The following ZMIZ2 variants were observed in gnomAD, a reference collection of about 807,000 sequenced individuals.
The protein encoded by ZMIZ2 is zinc finger MIZ-type containing 2.
In ZMIZ2, 26 loss-of-function variants were observed where a neutral mutation model predicts 93.9. The ratio of observed to expected loss-of-function variants is 0.28; its 90% CI spans 0.20 to 0.38. The LOEUF is 0.38. ZMIZ2 is among the 10% of genes least tolerant of loss of function. ZMIZ2 has a pLI of 1.00. For synonymous variants in ZMIZ2, 485 were observed against 516.4 expected, an observed-to-expected ratio of 0.94 and a Z score of 0.82; for missense variants, 1,023 against 1,235.0, an observed-to-expected ratio of 0.83 and a Z score of 2.57.
intron 18 of ZMIZ2, among the ~76,000 whole-genome samples, chr7:44,767,243 C>T (rs1791806305): frequency 6.6e-6 from 1 of 152,154 alleles, no homozygotes; most frequent in African/African-American, 2.4e-5. Flanking sequence ...GGCTGCACTC[C>T]CTCACATCCC....
chr7:44,766,472 C>G lies in ZMIZ2; in HGVS notation c.2464C>G (p.Leu822Val), dbSNP rs377635826. 1.2e-6 allele frequency: 2 copies of G among 1,614,090 alleles called. No homozygotes were observed. The highest frequency in any genetic ancestry group is 1.7e-6 in the Non-Finnish European group (2 of 1,180,042). Residue 822 changes from leucine to valine, a missense_variant, in exon 18 of 19, where the codon CTA (leucine) becomes GTA (valine). This residue lies in a region of ZMIZ2 where 319 missense variants were observed against 358.8 expected (regional missense o/e 0.89). Transcript: ENST00000309315. The surrounding 1 kb of genome is among the most constrained non-coding windows in gnomAD (Gnocchi z 4.4). Reference protein sequence around the residue: ...DPTHNPGTPGLHTSNLGAPPG... With the variant: ...DPTHNPGTPGVHTSNLGAPPG... Reference sequence around the variant, plus strand: ...CACTCACAATCCTGGGACACCAGGACTACACACCTCCAACCTTGGGGCCCC... The same window carrying G: ...CACTCACAATCCTGGGACACCAGGAGTACACACCTCCAACCTTGGGGCCCC...
In ZMIZ2 at chr7:44,767,698, C is replaced by T; in HGVS notation, c.*75C>T. On this transcript the variant is annotated 3_prime_UTR_variant, in exon 19 of 19. Coordinates refer to ENST00000309315, the MANE Select transcript of ZMIZ2 (RefSeq NM_031449.4). ...CAGCCCTGCCCTTCATGCCCAGCCC[C>T]ATGGGACACCCGGTGGTCTTTCCCA... is the stretch of plus-strand genomic sequence containing the variant. 8.9e-6 allele frequency: 12 copies of T among 1,342,926 alleles called. No individual in the cohort carries two copies. Among genetic ancestry groups the T allele is most frequent in the Non-Finnish European group, 1.3e-5 (12 of 941,454 alleles). The allele number at this position is 1,342,926 out of a possible 1,614,324, so 83.2% of individuals were successfully genotyped here.
At chr7:44,756,833 C>T in intron 3 of ZMIZ2, 114 bp from the exon 4 acceptor site, 1 of 1,325,400 alleles carries the variant, frequency 7.5e-7, no homozygotes, top group Non-Finnish European at 1.1e-6. Flanking sequence ...ACCCTGTCCC[C>T]CCCACCTCTC....
intron 14 of ZMIZ2, 151 bp downstream of exon 14, chr7:44,764,637 C>G (rs979905968): frequency 1.1e-6 from 1 of 886,050 alleles, no homozygotes; most frequent in African/African-American, 1.7e-5. Context: ...GCAGAGAGCT[C>G]GTATAGGGTG....
chr7:44,765,463 C>A lies in ZMIZ2; in HGVS notation c.2126C>A (p.Ala709Asp). Reference protein sequence around the residue: ...ALKRCRTVSPAHVLMPSVMEM... With the variant: ...ALKRCRTVSPDHVLMPSVMEM... ...AAGCGCTGCCGCACCGTGAGCCCCG[C>A]CCACGTGCTCATGCCCAGCGTGATG... Residue 709 changes from alanine (A) to aspartate (D), a missense_variant, in exon 16 of 19, where the codon GCC (alanine) becomes GAC (aspartate). Ala to Asp is a moderately radical substitution (Grantham distance 126). Coordinates refer to ENST00000309315, the MANE Select transcript of ZMIZ2 (RefSeq NM_031449.4). The surrounding 1 kb of genome is among the most constrained non-coding windows in gnomAD (Gnocchi z 4.1). 2 of 1,605,042 alleles carry A rather than the reference C, an allele frequency of 1.2e-6. No homozygotes were observed. Among genetic ancestry groups the A allele is most frequent in the Non-Finnish European group, 1.7e-6 (2 of 1,179,890 alleles).
chr7:44,759,203 CAT>C lies in ZMIZ2; in HGVS notation c.814-77_814-76del, dbSNP rs533896972. On this transcript the variant is annotated intron_variant, in intron 6 of 18. Transcript: ENST00000309315. ...TCTCCATTCCCCGAACCCTGCCACACATGAGACTCTACTTCCTTCTGGAACCA... is the reference window on the plus strand; with the variant it reads ...TCTCCATTCCCCGAACCCTGCCACACGAGACTCTACTTCCTTCTGGAACCA... 136 of 1,339,188 alleles carry C rather than the reference CAT, an allele frequency of 1.0e-4. 1 individual carries two copies. The East Asian group carries it at 3.5e-3, about 35-fold the overall frequency. 83.0% of individuals were successfully genotyped at this position (1,339,188 alleles called of 1,614,324 possible).
In ZMIZ2 at chr7:44,760,482, C is replaced by T; in HGVS notation, c.1129C>T (p.Pro377Ser). The part of the protein sequence containing the change: ...SSPLPGNPTP[P>S]MTPSSSVPYM... ...CCCACTGCCAGGGAACCCCACGCCA[C>T]CCATGACCCCAAGCAGCAGCGTCCC... Residue 377 changes from proline (P) to serine (S), a missense_variant, in exon 9 of 19, where the codon CCC becomes TCC. Physicochemically the swap from Pro to Ser is moderately conservative, Grantham distance 74 (BLOSUM62 -1). This residue lies in a region of ZMIZ2 where 656 missense variants were observed against 777.1 expected (regional missense o/e 0.84). Coordinates refer to ENST00000309315, the MANE Select transcript of ZMIZ2 (RefSeq NM_031449.4). 1 of 1,614,188 alleles carries T rather than the reference C, an allele frequency of 6.2e-7. No homozygotes were observed. The highest frequency in any genetic ancestry group is 8.5e-7 in the Non-Finnish European group (1 of 1,180,012).
In ZMIZ2 at chr7:44,766,588, C is replaced by T; in HGVS notation, c.2580C>T (p.Ala860=). Residue 860 remains alanine, a synonymous_variant, in exon 18 of 19, where the codon GCC becomes GCT. Transcript: ENST00000309315. The surrounding 1 kb of genome is among the most constrained non-coding windows in gnomAD (Gnocchi z 4.4). ...QASLGPTGEL[A]FSPATGVMGP... is the part of the protein sequence containing the mutation. The stretch of plus-strand genomic sequence containing the variant: ...GCTTAGGACCTACGGGTGAACTGGC[C>T]TTCAGTCCTGCCACAGGCGTGATGG... The T allele has an allele frequency of 6.2e-7, 1 of 1,613,590 alleles. No individual in the cohort carries two copies. Among genetic ancestry groups the T allele is most frequent in the Non-Finnish European group, 8.5e-7 (1 of 1,180,016 alleles).
rs961766563 is a variant in ZMIZ2, at chr7:44,767,767, A to T, written c.*144A>T. On this transcript the variant is annotated 3_prime_UTR_variant, in exon 19 of 19. Transcript: ENST00000309315. ...CCTGGAGCCAGAGCCTTCTGCCGCC[A>T]GCCCTGCCCCTGAATTGGAAGCAGC... is the stretch of plus-strand genomic sequence containing the variant. 9 of 728,554 alleles carry T rather than the reference A, an allele frequency of 1.2e-5. No homozygotes were observed. The highest frequency in any genetic ancestry group is 2.1e-5 in the Non-Finnish European group (9 of 432,858). 45.1% of individuals were successfully genotyped at this position (728,554 alleles called of 1,614,324 possible).
rs1790765057 is a variant in ZMIZ2 at position 44,757,988 on chromosome 7, C to T, written c.693C>T (p.Pro231=). 1 of 1,612,656 alleles carries T rather than the reference C, an allele frequency of 6.2e-7. No individual in the cohort carries two copies. The highest frequency in any genetic ancestry group is 1.3e-5 in the African/African-American group (1 of 74,922). The change falls in exon 6 of 19, where the codon CCC becomes CCT. Residue 231 remains proline (P), a synonymous_variant. Transcript: ENST00000309315. ...GCCTCTCCCCCTTGGCTATGAACCC[C>T]ACCCGGGCAGCAGGAATGACACCCT... ...PSGLSPLAMN[P]TRAAGMTPLY...
At position 44,765,483 on chromosome 7, in the gene ZMIZ2, G is replaced by A. The variant is rs1213205055; in HGVS notation, c.2146G>A (p.Val716Met). 7 of 1,602,290 alleles carry A rather than the reference G, an allele frequency of 4.4e-6. No individual in the cohort carries two copies. Among genetic ancestry groups the A allele is most frequent in the Non-Finnish European group, 5.9e-6 (7 of 1,179,790 alleles). Residue 716 changes from valine (V) to methionine (M), a missense_variant, in exon 16 of 19, where the codon GTG becomes ATG. Transcript: ENST00000309315. The surrounding 1 kb of genome is among the most constrained non-coding windows in gnomAD (Gnocchi z 4.1). ...CCCCGCCCACGTGCTCATGCCCAGC[G>A]TGATGGAGATGATCGCCGCCCTGGG... is the stretch of plus-strand genomic sequence containing the variant. ...VSPAHVLMPS[V>M]MEMIAALGPG...
chr7:44,767,372 C>T, intron 18 of ZMIZ2, 144 bp from the exon 19 acceptor site: 1 of 737,180 alleles, frequency 1.4e-6, no homozygotes, highest in Non-Finnish European at 2.3e-6. Flanking sequence ...ATGGTGGGGC[C>T]CCGCACCCGG....
At chr7:44,764,602 A>C in intron 14 of ZMIZ2, 116 bp downstream of exon 14, 1 of 1,216,502 alleles carries the variant, frequency 8.2e-7, no homozygotes, top group South Asian at 1.4e-5. Context: ...GAGTCACTGC[A>C]TGGACTGGGG....
chr7:44,767,367 G>A, intron 18 of ZMIZ2, 149 bp from the exon 19 acceptor site: 1 of 708,842 alleles, frequency 1.4e-6, no homozygotes, highest in Non-Finnish European at 2.4e-6. Flanking sequence ...GGCCTATGGT[G>A]GGGCCCCGCA....
At position 44,757,964 on chromosome 7, in the gene ZMIZ2, C is replaced by T. The variant is rs757919905; in HGVS notation, c.669C>T (p.Gly223=). ...TGIGGVMGPS[G]LSPLAMNPTR... is the part of the protein sequence containing the mutation. ...TAGGAGGGGTAATGGGCCCCTCTGG[C>T]CTCTCCCCCTTGGCTATGAACCCCA... is the stretch of plus-strand genomic sequence containing the variant. The change falls in exon 6 of 19, where the codon GGC becomes GGT. Residue 223 remains glycine, a synonymous_variant. Coordinates refer to ENST00000309315, the MANE Select transcript of ZMIZ2 (RefSeq NM_031449.4). The T allele has an allele frequency of 6.2e-7, 1 of 1,612,688 alleles. No individual in the cohort carries two copies. The highest frequency in any genetic ancestry group is 1.1e-5 in the South Asian group (1 of 90,676).
At position 44,761,501 on chromosome 7, in the gene ZMIZ2, G is replaced by A. The variant is rs1791177110; in HGVS notation, c.1293G>A (p.Val431=). Residue 431 remains valine (V), a synonymous_variant, in exon 10 of 19, where the codon GTG becomes GTA. Coordinates refer to ENST00000309315, the MANE Select transcript of ZMIZ2 (RefSeq NM_031449.4). This position sits in a 1 kb window ranked among gnomAD's most constrained non-coding sequence, Gnocchi z 5.8. ...TGACCTTCCCTGTGCGCGATGGGGT[G>A]GTCCTGGAGCCCTTCCGCCTGCAGC... The part of the protein sequence containing the change: ...LRLTFPVRDG[V]VLEPFRLQHN... 2 of 1,614,104 alleles carry A rather than the reference G, an allele frequency of 1.2e-6. No homozygotes were observed. Among genetic ancestry groups the A allele is most frequent in the Non-Finnish European group, 1.7e-6 (2 of 1,180,036 alleles).
At position 44,757,759 on chromosome 7, in the gene ZMIZ2, C is replaced by T; in HGVS notation, c.553-89C>T. 5 of 1,474,058 alleles carry T rather than the reference C, an allele frequency of 3.4e-6. No individual in the cohort carries two copies. In the South Asian group the frequency reaches 7.3e-5, roughly 21 times the overall value. The allele number at this position is 1,474,058 out of a possible 1,614,324, so 91.3% of individuals were successfully genotyped here. On this transcript the variant is annotated intron_variant, in intron 5 of 18. Coordinates refer to ENST00000309315, the MANE Select transcript of ZMIZ2 (RefSeq NM_031449.4). ...GGTGTCCTGTGAAAGGGTATGGTGCCCACATGGGTGGGTGGGCGGGTTTTA... is the reference window on the plus strand; with the variant it reads ...GGTGTCCTGTGAAAGGGTATGGTGCTCACATGGGTGGGTGGGCGGGTTTTA...
At position 44,757,367 on chromosome 7, in the gene ZMIZ2, G is replaced by T; in HGVS notation, c.369-11G>T. The T allele has an allele frequency of 6.3e-7, 1 of 1,596,718 alleles. No homozygotes were observed. On this transcript the variant is annotated splice_polypyrimidine_tract_variant and intron_variant, in intron 4 of 18. Coordinates refer to ENST00000309315, the MANE Select transcript of ZMIZ2 (RefSeq NM_031449.4). ...CACGCAGAGAGCGTGGCAATCCTGT[G>T]TCTCCTGCAGGTATGCAGGCGGCCC...
chr7:44,758,509 C>T (rs1479405466), intron 6 of ZMIZ2, among the ~76,000 whole-genome samples: 1 of 150,876 alleles, frequency 6.6e-6, no homozygotes, highest in Non-Finnish European at 1.5e-5. Context: ...GGCATGCTGT[C>T]TCATGCCTGT....
Sources: allele counts gnomAD v4.1 joint callset (sites outside exome capture counted in the v4.1 genomes callset), GRCh38; gene constraint gnomAD v4.1.1; regional missense constraint gnomAD v4.1.1; non-coding constraint Gnocchi (gnomAD v3.1); transcripts MANE v1.5; gene names NCBI Gene and HGNC (gene_info 2026-07-23, HGNC 2026-07-21).